The following ZHX3 variants were observed in gnomAD, a reference collection of about 807,000 sequenced individuals.
ZHX3 encodes the protein zinc fingers and homeoboxes protein 3.
In ZHX3, 20 loss-of-function variants were observed where a neutral mutation model predicts 64.5. The observed-to-expected ratio is 0.31, with a 90% CI of 0.22 to 0.45. The LOEUF is 0.45. Among genes scored for constraint, ZHX3 ranks in the 20% least tolerant of loss-of-function variants. The probability of loss-of-function intolerance (pLI) is 1.00; values close to 1 mark genes in which losing one functional copy is unlikely to be tolerated. For synonymous variants in ZHX3, 423 were observed against 461.6 expected (o/e 0.92, Z 1.07); for missense variants, 1,041 against 1,195.8 (o/e 0.87, Z 1.91).
intron 2 of ZHX3, chr20:41,238,718 ATT>A (rs1474766652): frequency 6.6e-6 from 1 of 152,162 alleles, no homozygotes; most frequent in Non-Finnish European, 1.5e-5. Flanking sequence ...TAAATAATCC[ATT>A]CTTTGCCAAA....
intron 2 of ZHX3, among the ~76,000 whole-genome samples, chr20:41,262,097 C>T (rs979407841): frequency 6.6e-6 from 1 of 152,122 alleles, no homozygotes; most frequent in Non-Finnish European, 1.5e-5. Context: ...AGATTCTGCC[C>T]CGAAATTCCT....
chr20:41,257,194 TGA>T (rs2042303000), intron 2 of ZHX3, among the ~76,000 whole-genome samples: 1 of 152,184 alleles, frequency 6.6e-6, no homozygotes, highest in South Asian at 2.1e-4. Flanking sequence ...CAGCAAACAC[TGA>T]GGCAACATCT....
chr20:41,253,570 G>T (rs1387618873), intron 2 of ZHX3, among the ~76,000 whole-genome samples: 1 of 152,156 alleles, frequency 6.6e-6, no homozygotes, highest in Admixed American at 6.5e-5. Flanking sequence ...CTGGGGAGTA[G>T]GGGTGGGCAC....
rs1042841251 is a variant in ZHX3 at position 41,295,735 on chromosome 20, C to G, written c.-245+21774G>C. Among the ~76,000 whole-genome samples the G allele has an allele frequency of 3.3e-5, 5 of 152,048 alleles. No homozygotes were observed. The South Asian group carries it at 1.0e-3, about 32-fold the overall frequency. ...GCGTGGTAGCGGGCACCTGTAGTCC[C>G]AGCTACTCAGGAGGCTGAGGCAGGA... On this transcript the variant is annotated intron_variant, in intron 1 of 3. Coordinates refer to ENST00000683867, the MANE Select transcript of ZHX3 (RefSeq NM_001384317.1).
At chr20:41,230,059 G>C (rs1267605324) in intron 2 of ZHX3, among the ~76,000 whole-genome samples, 1 of 152,076 alleles carries the variant, frequency 6.6e-6, no homozygotes, top group African/African-American at 2.4e-5. Context: ...AAAATCATTT[G>C]ACCTTATGTG....
intron 2 of ZHX3, among the ~76,000 whole-genome samples, chr20:41,213,168 G>T (rs2039287266): frequency 1.3e-5 from 2 of 152,178 alleles, no homozygotes; most frequent in Admixed American, 1.3e-4. Flanking sequence ...CATAGAGGCA[G>T]ATAGTAGATT....
chr20:41,191,470 A>G (rs2037014008), intron 3 of ZHX3, among the ~76,000 whole-genome samples: 1 of 152,110 alleles, frequency 6.6e-6, no homozygotes, highest in Admixed American at 6.5e-5. Context: ...CTTACACTCA[A>G]TAATTTGAAT....
At chr20:41,281,154 T>C (rs941071168) in intron 1 of ZHX3, among the ~76,000 whole-genome samples, 1 of 152,166 alleles carries the variant, frequency 6.6e-6, no homozygotes, top group Non-Finnish European at 1.5e-5. Flanking sequence ...CATCTGCAAT[T>C]TCGGATGCTA....
intron 3 of ZHX3, among the ~76,000 whole-genome samples, chr20:41,192,848 A>G (rs1041326040): frequency 1.8e-4 from 28 of 152,124 alleles, no homozygotes; most frequent in African/African-American, 3.6e-4. Flanking sequence ...GGCACCTCCT[A>G]TGTTAAGTTT....
At chr20:41,271,168 G>A (rs1001753355) in intron 1 of ZHX3, among the ~76,000 whole-genome samples, 5 of 152,004 alleles carry the variant, frequency 3.3e-5, no homozygotes, top group South Asian at 2.1e-4. Flanking sequence ...CTACAGGCAC[G>A]CGCCACCACA....
At chr20:41,252,496 G>A (rs936397493) in intron 2 of ZHX3, among the ~76,000 whole-genome samples, 7 of 152,150 alleles carry the variant, frequency 4.6e-5, no homozygotes, top group East Asian at 1.9e-4. Flanking sequence ...GTCATCCCGC[G>A]ATGCTGGTGG....
At chr20:41,290,204 T>C (rs986105240) in intron 1 of ZHX3, 2 of 152,242 alleles carry the variant, frequency 1.3e-5, no homozygotes, top group Non-Finnish European at 2.9e-5. Context: ...CCAGGTACTA[T>C]GCTTGAAACC....
chr20:41,239,270 A>C (rs938611957), intron 2 of ZHX3, among the ~76,000 whole-genome samples: 3 of 151,680 alleles, frequency 2.0e-5, no homozygotes, highest in African/African-American at 7.3e-5. Flanking sequence ...CGGCCTCCCA[A>C]AGTGCTGGGA....
intron 2 of ZHX3, among the ~76,000 whole-genome samples, chr20:41,256,865 C>T (rs1003062319): frequency 1.1e-4 from 17 of 151,770 alleles, no homozygotes; most frequent in Non-Finnish European, 2.5e-4. Context: ...TGAATCTGGA[C>T]TTTTAGCGTC....
intron 2 of ZHX3, among the ~76,000 whole-genome samples, chr20:41,247,210 G>A (rs1205256736): frequency 1.3e-5 from 2 of 152,238 alleles, no homozygotes; most frequent in South Asian, 2.1e-4. Flanking sequence ...CGAGGCTGCA[G>A]TGAGCCAAGA....
rs996234108 is a variant in ZHX3, at chr20:41,232,006, C to G, written c.-150-26940G>C. On this transcript the variant is annotated intron_variant, in intron 2 of 3. Coordinates refer to ENST00000683867, the MANE Select transcript of ZHX3 (RefSeq NM_001384317.1). The surrounding 1 kb of genome is among the most constrained non-coding windows in gnomAD (Gnocchi z 5.0). Reference sequence around the variant, plus strand: ...ACTAGATGGTTAAAACAACCACATTCCGTACCATTAGACGCTGACAGCCCA... The same window carrying G: ...ACTAGATGGTTAAAACAACCACATTGCGTACCATTAGACGCTGACAGCCCA... Among the ~76,000 whole-genome samples, 34 of 152,114 alleles carry G rather than the reference C, an allele frequency of 2.2e-4. No individual in the cohort carries two copies. The highest frequency in any genetic ancestry group is 8.2e-4 in the African/African-American group (34 of 41,418).
chr20:41,315,135 C>T (rs1185661182), intron 1 of ZHX3, among the ~76,000 whole-genome samples: 4 of 152,102 alleles, frequency 2.6e-5, no homozygotes, highest in African/African-American at 9.7e-5. Context: ...ATCCAGGGAC[C>T]AGAGTTCTAG....
In ZHX3 at chr20:41,232,902, T is replaced by C. The variant is rs2040719525; in HGVS notation, c.-150-27836A>G. Among the ~76,000 whole-genome samples the C allele has an allele frequency of 6.6e-6, 1 of 152,224 alleles. No individual in the cohort carries two copies. The highest frequency in any genetic ancestry group is 2.4e-5 in the African/African-American group (1 of 41,468). On this transcript the variant is annotated intron_variant, in intron 2 of 3. Transcript: ENST00000683867. The surrounding 1 kb of genome is among the most constrained non-coding windows in gnomAD (Gnocchi z 5.0). ...GCCCGGCTGGAAAATTCTTGATATG[T>C]ATCAGTATTTTTCAAAATGTAAGCT...
At chr20:41,302,544 G>A (rs2044854276) in intron 1 of ZHX3, among the ~76,000 whole-genome samples, 1 of 152,118 alleles carries the variant, frequency 6.6e-6, no homozygotes. Flanking sequence ...ACTCTTCTCA[G>A]AGCCACCTCA....
Sources: gnomAD v4.1 joint callset for allele counts (sites outside exome capture counted in the v4.1 genomes callset) on GRCh38, gnomAD v4.1.1 for gene constraint, Gnocchi (gnomAD v3.1) non-coding constraint, MANE v1.5 for transcripts, NCBI Gene and HGNC (gene_info 2026-07-23, HGNC 2026-07-21) for gene names.